The following SEC31B variants were observed in gnomAD, a reference collection of about 807,000 sequenced individuals.
SEC31B encodes the protein protein transport protein Sec31B.
Under a neutral mutation model 135.0 loss-of-function variants are expected in SEC31B, and 113 were observed. The ratio of observed to expected loss-of-function variants is 0.84; its 90% CI spans 0.72 to 0.98. The LOEUF (loss-of-function observed/expected upper bound fraction) is 0.98. Among genes scored for constraint, SEC31B ranks in the 50% least tolerant of loss-of-function variants. The pLI is 0.00. For synonymous variants in SEC31B, 508 were observed against 549.4 expected, an observed-to-expected ratio of 0.92 and a Z score of 1.05; for missense variants, 1,296 against 1,421.1, an observed-to-expected ratio of 0.91 and a Z score of 1.42.
Position 100,506,091 on chromosome 10 carries a change from G to A in SEC31B, c.993C>T (p.Tyr331=), listed in dbSNP as rs571504892. ...AASFNGWISL[Y]SVMGRSWEVQ... The stretch of plus-strand genomic sequence containing the variant: ...CTTCCCAGCTCCTACCCATCACAGA[G>A]TACAAACTGATCCAGCCGTTGAAGG... The change falls in exon 9 of 26, where the codon TAC becomes TAT. Residue 331 remains tyrosine, a synonymous_variant. Transcript: ENST00000370345. 4 of 1,614,140 alleles carry A rather than the reference G, an allele frequency of 2.5e-6. No homozygotes were observed. In the South Asian group the frequency reaches 4.4e-5, roughly 18 times the overall value.
Position 100,495,429 on chromosome 10 carries a change from T to C in SEC31B, c.2428A>G (p.Lys810Glu), listed in dbSNP as rs779921011. The C allele has an allele frequency of 2.5e-5, 41 of 1,613,820 alleles. No individual in the cohort carries two copies. In the South Asian group the frequency reaches 4.0e-4, roughly 16 times the overall value. Residue 810 changes from lysine (K) to glutamate (E), a missense_variant, in exon 19 of 26, where the codon AAA becomes GAA. Physicochemically the swap from Lys to Glu is moderately conservative, Grantham distance 56 (BLOSUM62 1). Transcript: ENST00000370345. ...CCCAATCTGTAAGATGATGTCTCTTTAGAGTGGAGGGTAGCTCCCACAACA... is the reference window on the plus strand; with the variant it reads ...CCCAATCTGTAAGATGATGTCTCTTCAGAGTGGAGGGTAGCTCCCACAACA... ...RIVVGATLHS[K>E]ETSSYRLGSQ...
intron 15 of SEC31B, 89 bp downstream of exon 15, chr10:100,497,940 T>G: frequency 6.3e-7 from 1 of 1,575,736 alleles, no homozygotes; most frequent in South Asian, 1.2e-5. Flanking sequence ...GGCAGGCAGA[T>G]ACTCAAACAT....
In SEC31B at chr10:100,487,620, A is replaced by C; in HGVS notation, c.3536T>G (p.Val1179Gly). ...TAGCAAGAGAGGCTGCCTGGTTTAG[A>C]CCAGCAGCTTATGAGCGATGATGAG... is the stretch of plus-strand genomic sequence containing the variant. ...AVLIIAHKLL[V>G] The change falls in exon 26 of 26, where the codon GTC becomes GGC. Residue 1179 changes from valine (V) to glycine (G), a missense_variant. Coordinates refer to ENST00000370345, the MANE Select transcript of SEC31B (RefSeq NM_015490.4). 3 of 1,612,310 alleles carry C rather than the reference A, an allele frequency of 1.9e-6. No homozygotes were observed. The highest frequency in any genetic ancestry group is 2.5e-6 in the Non-Finnish European group (3 of 1,179,308).
intron 11 of SEC31B, among the ~76,000 whole-genome samples, chr10:100,500,396 C>T (rs1014037680): frequency 6.6e-6 from 1 of 151,982 alleles, no homozygotes; most frequent in African/African-American, 2.4e-5. Flanking sequence ...CTCACTGCAA[C>T]CTCCACCCTC....
intron 3 of SEC31B, among the ~76,000 whole-genome samples, chr10:100,511,635 G>A (rs980040679): frequency 6.6e-6 from 1 of 152,172 alleles, no homozygotes; most frequent in African/African-American, 2.4e-5. Flanking sequence ...AATATCTGCT[G>A]TATAAATTGT....
In SEC31B at chr10:100,516,701, T is replaced by C. The variant is rs148445510; in HGVS notation, c.79+173A>G. Among the ~76,000 whole-genome samples the C allele has an allele frequency of 2.1e-3, 309 of 146,384 alleles. 2 individuals carry two copies. Among genetic ancestry groups the C allele is most frequent in the African/African-American group, 7.4e-3 (299 of 40,166 alleles). On this transcript the variant is annotated intron_variant, in intron 2 of 25. Transcript: ENST00000370345. ...CGTACCTAACCTTGAGCCATAGTCC[T>C]AGGCAGCCCTCAGGTACCCAAAACA...
chr10:100,489,095 G>T, intron 23 of SEC31B, 121 bp from the exon 24 acceptor site: 5 of 1,472,166 alleles, frequency 3.4e-6, no homozygotes, highest in Non-Finnish European at 4.5e-6. Flanking sequence ...GAGTTGGGGA[G>T]ATGAGCAGCC....
At chr10:100,516,443 C>A (rs1005165467) in intron 2 of SEC31B, among the ~76,000 whole-genome samples, 4 of 151,952 alleles carry the variant, frequency 2.6e-5, no homozygotes, top group Non-Finnish European at 5.9e-5. Context: ...GTCAGGAGAT[C>A]GAGACCATCC....
At chr10:100,518,059 TC>T (rs746784304) in intron 1 of SEC31B, among the ~76,000 whole-genome samples, 35 of 152,252 alleles carry the variant, frequency 2.3e-4, no homozygotes, top group Non-Finnish European at 1.6e-4. Context: ...CCCAATTCGT[TC>T]TTTACACAGC....
At chr10:100,517,757 CAA>C (rs1055387762) in intron 1 of SEC31B, among the ~76,000 whole-genome samples, 1 of 151,958 alleles carries the variant, frequency 6.6e-6, no homozygotes, top group African/African-American at 2.4e-5. Context: ...CAGAAAGGAG[CAA>C]AGTCACAATC....
intron 24 of SEC31B, 61 bp downstream of exon 24, chr10:100,488,797 G>A: frequency 2.6e-6 from 4 of 1,512,420 alleles, no homozygotes; most frequent in Admixed American, 2.3e-5. Flanking sequence ...GTCCACAGCT[G>A]AGGGGTCCTG....
chr10:100,494,766 G>A (rs1943227337), intron 19 of SEC31B: 1 of 152,978 alleles, frequency 6.5e-6, no homozygotes, highest in Non-Finnish European at 1.4e-5. Flanking sequence ...TTTCATCTGT[G>A]TGATCTTATA....
In SEC31B at chr10:100,488,129, G is replaced by A. The variant is rs199842436; in HGVS notation, c.3289-31C>T. The A allele has an allele frequency of 7.8e-4, 1,247 of 1,596,398 alleles. 12 individuals are homozygous for A. Among genetic ancestry groups the A allele is most frequent in the Middle Eastern group, 1.7e-4 (1 of 6,014 alleles). ...GGGAAAGAAATGGATTCCAACCCCAGCCCCTAAGTCTAACACCACACAGGG... is the reference window on the plus strand; with the variant it reads ...GGGAAAGAAATGGATTCCAACCCCAACCCCTAAGTCTAACACCACACAGGG... On this transcript the variant is annotated intron_variant, in intron 24 of 25. Transcript: ENST00000370345.
chr10:100,506,215 A>G lies in SEC31B; in HGVS notation c.883-14T>C, dbSNP rs1851627853. ...CTTATATACCACCTAATATGAGGGA[A>G]CACACCATTAGGGACAGTCCATGAA... On this transcript the variant is annotated splice_polypyrimidine_tract_variant and intron_variant, in intron 8 of 25. Coordinates refer to ENST00000370345, the MANE Select transcript of SEC31B (RefSeq NM_015490.4). 1 of 1,614,104 alleles carries G rather than the reference A, an allele frequency of 6.2e-7. No homozygotes were observed.
intron 5 of SEC31B, chr10:100,508,748 G>C (rs1851681112): frequency 3.8e-6 from 2 of 532,630 alleles, no homozygotes; most frequent in South Asian, 2.1e-5. Context: ...GGTGTCTTTT[G>C]CTCTCCCCAA....
intron 22 of SEC31B, 60 bp downstream of exon 22, chr10:100,489,643 G>A: frequency 6.2e-7 from 1 of 1,611,042 alleles, no homozygotes; most frequent in Non-Finnish European, 8.5e-7. Context: ...ATCCTCCAAG[G>A]AATTAGAACG....
chr10:100,510,804 C>G (rs1401209421), intron 3 of SEC31B, among the ~76,000 whole-genome samples: 5 of 152,226 alleles, frequency 3.3e-5, no homozygotes, highest in African/African-American at 1.2e-4. Flanking sequence ...ACAATGCTAG[C>G]TAAGAGGCTA....
chr10:100,500,069 C>T, intron 11 of SEC31B: 1 of 456,854 alleles, frequency 2.2e-6, no homozygotes, highest in South Asian at 1.5e-5. Context: ...GATATTGGCT[C>T]TTGTGGGCAA....
Position 100,507,436 on chromosome 10 carries a change from C to T in SEC31B, c.771G>A (p.Glu257=). The change falls in exon 7 of 26, where the codon GAG becomes GAA. Residue 257 remains glutamate, a synonymous_variant. Transcript: ENST00000370345. The part of the protein sequence containing the change: ...RFASSPLKVL[E]SHSRGILSVS... ...GTCTGAGATGCTACCTGCTGTGGCT[C>T]TCCAGCACCTTCAAGGGCGAGGAGG... 1 of 1,614,194 alleles carries T rather than the reference C, an allele frequency of 6.2e-7. No homozygotes were observed. The highest frequency in any genetic ancestry group is 8.5e-7 in the Non-Finnish European group (1 of 1,180,026).
Sources: allele counts gnomAD v4.1 joint callset (sites outside exome capture counted in the v4.1 genomes callset), GRCh38; gene constraint gnomAD v4.1.1; transcripts MANE v1.5; gene names NCBI Gene and HGNC (gene_info 2026-07-23, HGNC 2026-07-21).